Variants in SLC13A4 observed in about 807,000 individuals in gnomAD.
SLC13A4 encodes solute carrier family 13 member 4.
Under a neutral mutation model 72.7 loss-of-function variants are expected in SLC13A4, and 28 were observed. The observed-to-expected ratio is 0.39, with a 90% confidence interval of 0.29 to 0.53. SLC13A4 has a LOEUF of 0.53. SLC13A4 is among the 20% of genes least tolerant of loss of function. The pLI is 0.78. For synonymous variants in SLC13A4, 312 were observed against 325.5 expected (o/e 0.96, Z 0.45); for missense variants, 653 against 788.0 (o/e 0.83, Z 2.05).
At chr7:135,703,734 G>T (rs1273863082) in intron 5 of SLC13A4, 2 of 152,290 alleles carry the variant, frequency 1.3e-5, no homozygotes, top group Admixed American at 1.3e-4. Context: ...AGCGTATTGG[G>T]CACACACATG....
At chr7:135,701,387 G>T (rs938227448) in intron 7 of SLC13A4, among the ~76,000 whole-genome samples, 1 of 152,144 alleles carries the variant, frequency 6.6e-6, no homozygotes, top group Non-Finnish European at 1.5e-5. Context: ...TAAAATATTT[G>T]CAGTGTCCCT....
intron 2 of SLC13A4, among the ~76,000 whole-genome samples, chr7:135,710,592 A>T (rs892495963): frequency 6.6e-6 from 1 of 150,906 alleles, no homozygotes; most frequent in Non-Finnish European, 1.5e-5. Flanking sequence ...TAGGGGGGGA[A>T]GTGGGAGGGA....
At chr7:135,725,065 G>C (rs549157421) in intron 1 of SLC13A4, among the ~76,000 whole-genome samples, 1 of 152,150 alleles carries the variant, frequency 6.6e-6, no homozygotes, top group Non-Finnish European at 1.5e-5. Context: ...CAACACCACT[G>C]GTTCCTTATA....
In SLC13A4 at chr7:135,694,215, C is replaced by T. The variant is rs748348842; in HGVS notation, c.1043G>A (p.Ser348Asn). 2 of 1,611,902 alleles carry T rather than the reference C, an allele frequency of 1.2e-6. No individual in the cohort carries two copies. Among genetic ancestry groups the T allele is most frequent in the Non-Finnish European group, 8.5e-7 (1 of 1,178,104 alleles). ...GCNFKETCSL[S>N]KKKKTKREQL... is the part of the protein sequence containing the mutation. The stretch of plus-strand genomic sequence containing the variant: ...TTCCCTTTTGGTCTTCTTCTTCTTG[C>T]TCAGAGAGCAGGTCTCTTTAAAACT... The change falls in exon 10 of 16, where the codon AGC becomes AAC. Residue 348 changes from serine (S) to asparagine (N), a missense_variant. Coordinates refer to ENST00000682651, the MANE Select transcript of SLC13A4 (RefSeq NM_001318192.2).
chr7:135,727,571 T>C lies in SLC13A4; in HGVS notation c.-75A>G. The C allele has an allele frequency of 6.7e-7, 1 of 1,490,804 alleles. No homozygotes were observed. The highest frequency in any genetic ancestry group is 9.0e-7 in the Non-Finnish European group (1 of 1,112,560). The allele number at this position is 1,490,804 out of a possible 1,614,324, so 92.3% of individuals were successfully genotyped here. A position where few individuals can be genotyped will look rare whatever the true frequency, so the allele number is the denominator to read the frequency against. On this transcript the variant is annotated 5_prime_UTR_variant, in exon 1 of 16. Coordinates refer to ENST00000682651, the MANE Select transcript of SLC13A4 (RefSeq NM_001318192.2). ...AAGGCTTCCTGCCTGGGCACTGCTC[T>C]CTATCCAGAAAGACTTCTTAAACCT... is the stretch of plus-strand genomic sequence containing the variant.
intron 2 of SLC13A4, among the ~76,000 whole-genome samples, chr7:135,714,725 G>A (rs1315357926): frequency 6.6e-6 from 1 of 152,252 alleles, no homozygotes; most frequent in Non-Finnish European, 1.5e-5. Context: ...AGAAAGTCAG[G>A]GTAACGAGTC....
At chr7:135,697,823 T>TA (rs1563160322) in intron 8 of SLC13A4, among the ~76,000 whole-genome samples, 1 of 151,638 alleles carries the variant, frequency 6.6e-6, no homozygotes, top group Non-Finnish European at 1.5e-5. Flanking sequence ...CCCTCCTACA[T>TA]ACTGCTTTCT....
rs542610415 is a variant in SLC13A4, at chr7:135,707,940, T to C, written c.365+174A>G. 1.2e-5 allele frequency: 8 copies of C among 683,364 alleles called. No individual in the cohort carries two copies. The South Asian group carries it at 1.8e-4, about 15-fold the overall frequency. 42.3% of individuals were successfully genotyped at this position (683,364 alleles called of 1,614,324 possible). Reference sequence around the variant, plus strand: ...CAAGGTCACAGGTTTAAATCTCTACTCCATGATCACAGGCCCTCTCCCTGG... The same window carrying C: ...CAAGGTCACAGGTTTAAATCTCTACCCCATGATCACAGGCCCTCTCCCTGG... On this transcript the variant is annotated intron_variant, in intron 3 of 15. Transcript: ENST00000682651.
chr7:135,685,503 G>A lies in SLC13A4; in HGVS notation c.1608+19C>T. On this transcript the variant is annotated intron_variant, in intron 14 of 15. Coordinates refer to ENST00000682651, the MANE Select transcript of SLC13A4 (RefSeq NM_001318192.2). ...CTGGGACAGCCTGTCTGGATGTCTG[G>A]GAGCTCCGCATTACTCACCAGGCTG... 1.2e-6 allele frequency: 2 copies of A among 1,609,596 alleles called. No homozygotes were observed. The highest frequency in any genetic ancestry group is 1.7e-6 in the Non-Finnish European group (2 of 1,176,500).
intron 2 of SLC13A4, among the ~76,000 whole-genome samples, chr7:135,708,905 G>C (rs1199325857): frequency 7.0e-6 from 1 of 142,838 alleles, no homozygotes; most frequent in African/African-American, 2.6e-5. Context: ...CTTTGAGACA[G>C]AGTCTTGCTC....
At chr7:135,701,468 C>T (rs1389081642) in intron 7 of SLC13A4, among the ~76,000 whole-genome samples, 2 of 152,344 alleles carry the variant, frequency 1.3e-5, no homozygotes, top group African/African-American at 4.8e-5. Context: ...GTTGAAGACA[C>T]TGGGGCTCAG....
intron 1 of SLC13A4, among the ~76,000 whole-genome samples, chr7:135,724,317 A>G (rs1796605600): frequency 6.6e-6 from 1 of 152,152 alleles, no homozygotes; most frequent in Admixed American, 6.5e-5. Context: ...CAACATGGCG[A>G]AACCCTGTCT....
rs564408359 is a variant in SLC13A4, at chr7:135,686,659, A to T, written c.1447-976T>A. 2.6e-4 allele frequency among the ~76,000 whole-genome samples: 40 copies of T among 152,354 alleles called. No homozygotes were observed. In the East Asian group the frequency reaches 7.3e-3, roughly 28 times the overall value. ...AGTGCTGGGATTATAGGTGTGAGCC[A>T]CCGCACCTGGCCTGCCAGTGCTTTT... On this transcript the variant is annotated intron_variant, in intron 13 of 15. Transcript: ENST00000682651.
intron 7 of SLC13A4, among the ~76,000 whole-genome samples, chr7:135,700,792 G>A (rs1796016384): frequency 1.3e-5 from 2 of 152,126 alleles, no homozygotes; most frequent in African/African-American, 4.8e-5. Flanking sequence ...CTACAGGCAT[G>A]CACCACCATG....
At chr7:135,710,352 C>T (rs557317483) in intron 2 of SLC13A4, among the ~76,000 whole-genome samples, 7 of 152,200 alleles carry the variant, frequency 4.6e-5, no homozygotes, top group Non-Finnish European at 7.4e-5. Flanking sequence ...GCCGAGATCG[C>T]GCCACTGCAC....
rs1796157170 is a variant in SLC13A4, at chr7:135,706,186, A to G, written c.480T>C (p.Ser160=). 3 of 1,613,908 alleles carry G rather than the reference A, an allele frequency of 1.9e-6. No individual in the cohort carries two copies. In the East Asian group the frequency reaches 6.7e-5, roughly 36 times the overall value. The change falls in exon 4 of 16, where the codon AGT becomes AGC. Residue 160 remains serine, a synonymous_variant. Coordinates refer to ENST00000682651, the MANE Select transcript of SLC13A4 (RefSeq NM_001318192.2). ...CCGCCACGAGCTGCTCGTCCTCAGC[A>G]CTGACCAGCTCCTGCAGCACGGCCT... is the stretch of plus-strand genomic sequence containing the variant. ...IVEAVLQELV[S]AEDEQLVAGN...
At chr7:135,705,676 T>C (rs752313812) in intron 4 of SLC13A4, 26 bp from the exon 5 acceptor site, 1 of 1,609,790 alleles carries the variant, frequency 6.2e-7, no homozygotes, top group South Asian at 1.1e-5. Context: ...AAAAGCAGTA[T>C]GTGAGAGGTG....
At position 135,691,561 on chromosome 7, in the gene SLC13A4, C is replaced by T. The variant is rs1795787823; in HGVS notation, c.1308G>A (p.Gly436=). 1 of 1,613,020 alleles carries T rather than the reference C, an allele frequency of 6.2e-7. No individual in the cohort carries two copies. The highest frequency in any genetic ancestry group is 8.5e-7 in the Non-Finnish European group (1 of 1,179,030). Reference sequence around the variant, plus strand: ...CCCTTCTCTCACCATCATTCTTTTTCCCAAAGCAGGGCTTCTTCGCTGGAA... The same window carrying T: ...CCCTTCTCTCACCATCATTCTTTTTTCCAAAGCAGGGCTTCTTCGCTGGAA... ...FLIPAKKPCF[G]KKNDGENQEH... Residue 436 remains glycine (G), a synonymous_variant, in exon 12 of 16, where the codon GGG becomes GGA. Coordinates refer to ENST00000682651, the MANE Select transcript of SLC13A4 (RefSeq NM_001318192.2).
Position 135,719,809 on chromosome 7 carries a change from G to A in SLC13A4, c.228+1586C>T, listed in dbSNP as rs868300873. ...TGTGTGTGTGTGTGTGTGTATGTGT[G>A]TGTGTGTGTGTGTGTGTGTATAGCC... On this transcript the variant is annotated intron_variant, in intron 2 of 15. Coordinates refer to ENST00000682651, the MANE Select transcript of SLC13A4 (RefSeq NM_001318192.2). Among the ~76,000 whole-genome samples, 556 of 145,112 alleles carry A rather than the reference G, an allele frequency of 3.8e-3. 2 individuals carry two copies. The highest frequency in any genetic ancestry group is 0.028 in the South Asian group (131 of 4,648).
Sources: allele counts gnomAD v4.1 joint callset (sites outside exome capture counted in the v4.1 genomes callset), GRCh38; gene constraint gnomAD v4.1.1; transcripts MANE v1.5; gene names NCBI Gene and HGNC (gene_info 2026-07-23, HGNC 2026-07-21).